KCNQ1: variants seen among roughly 807,000 people sequenced by gnomAD.
KCNQ1 encodes the protein potassium voltage-gated channel subfamily KQT member 1.
In KCNQ1, 49 loss-of-function variants were observed where a neutral mutation model predicts 72.4. The ratio of observed to expected loss-of-function variants is 0.68; its 90% confidence interval spans 0.54 to 0.86. KCNQ1 has a LOEUF of 0.86. Ranked by LOEUF, KCNQ1 falls within the 40% of genes least tolerant of loss-of-function variation. The probability of loss-of-function intolerance (pLI) is 0.00; values close to 1 mark genes in which losing one functional copy is unlikely to be tolerated. For missense variants in KCNQ1, 790 were observed against 945.1 expected (o/e 0.84, Z 2.15); for synonymous variants, 450 against 412.6 (o/e 1.09, Z -1.10).
chr11:2,809,907 C>G lies in KCNQ1; in HGVS notation c.1794+31870C>G, dbSNP rs1312213269. 6.6e-6 allele frequency among the ~76,000 whole-genome samples: 1 copy of G among 152,064 alleles called. No homozygotes were observed. The highest frequency in any genetic ancestry group is 1.5e-5 in the Non-Finnish European group (1 of 68,040). ...GTTTACTGTTCCCTGGTACTCAGAC[C>G]TGCTTAATGCTCATTTCTTCAGTTT... On this transcript the variant is annotated intron_variant, in intron 15 of 15. Transcript: ENST00000155840. This position sits in a 1 kb window ranked among gnomAD's most constrained non-coding sequence, Gnocchi z 7.1.
rs887229023 is a variant in KCNQ1 at position 2,715,112 on chromosome 11, A to G, written c.1514+53031A>G. On this transcript the variant is annotated intron_variant, in intron 11 of 15. Transcript: ENST00000155840. This position sits in a 1 kb window ranked among gnomAD's most constrained non-coding sequence, Gnocchi z 4.9. ...GATGATACTTGGCGAGGATGACCGCAAGTGTCTTGACCCAAACATGAGATG... is the reference window on the plus strand; with the variant it reads ...GATGATACTTGGCGAGGATGACCGCGAGTGTCTTGACCCAAACATGAGATG... Among the ~76,000 whole-genome samples the G allele has an allele frequency of 1.5e-4, 23 of 152,060 alleles. No homozygotes were observed. Among genetic ancestry groups the G allele is most frequent in the Non-Finnish European group, 2.8e-4 (19 of 68,016 alleles).
At chr11:2,591,335 C>T (rs1391733881) in intron 10 of KCNQ1, among the ~76,000 whole-genome samples, 1 of 152,240 alleles carries the variant, frequency 6.6e-6, no homozygotes, top group Non-Finnish European at 1.5e-5. Flanking sequence ...CAGGCTCCCG[C>T]TCCACTGGGC....
chr11:2,570,886 A>G, intron 3 of KCNQ1, 132 bp downstream of exon 3: 1 of 1,252,014 alleles, frequency 8.0e-7, no homozygotes, highest in Admixed American at 1.9e-5. Context: ...GTGACTGCCC[A>G]GGACCCAGCA....
rs973453220 is a variant in KCNQ1, at chr11:2,711,949, A to G, written c.1514+49868A>G. 2.0e-5 allele frequency among the ~76,000 whole-genome samples: 3 copies of G among 152,048 alleles called. No individual in the cohort carries two copies. Among genetic ancestry groups the G allele is most frequent in the East Asian group, 1.9e-4 (1 of 5,172 alleles). The stretch of plus-strand genomic sequence containing the variant: ...GCTGCTCACCTGCTCACCTGTGTCC[A>G]TCCCCTTGGGCAGCACACAGCCAAG... On this transcript the variant is annotated intron_variant, in intron 11 of 15. Coordinates refer to ENST00000155840, the MANE Select transcript of KCNQ1 (RefSeq NM_000218.3). This position sits in a 1 kb window ranked among gnomAD's most constrained non-coding sequence, Gnocchi z 5.4.
intron 10 of KCNQ1, among the ~76,000 whole-genome samples, chr11:2,594,585 CTA>C (rs1848710806): frequency 6.6e-6 from 1 of 152,156 alleles, no homozygotes; most frequent in South Asian, 2.1e-4. Context: ...CATAGATTTT[CTA>C]TCTCTGTCTC....
At position 2,488,809 on chromosome 11, in the gene KCNQ1, T is replaced by C. The variant is rs115717144; in HGVS notation, c.387-39119T>C. Among the ~76,000 whole-genome samples the C allele has an allele frequency of 1.1e-3, 165 of 152,338 alleles. 1 individual carries two copies. The highest frequency in any genetic ancestry group is 3.8e-3 in the African/African-American group (157 of 41,574). Reference sequence around the variant, plus strand: ...TTCAGAGAAGCAACTTTGATTTAATTGATTTTTCTCTATTGTTTTTCTATT... The same window carrying C: ...TTCAGAGAAGCAACTTTGATTTAATCGATTTTTCTCTATTGTTTTTCTATT... On this transcript the variant is annotated intron_variant, in intron 1 of 15. Transcript: ENST00000155840. The surrounding 1 kb of genome is among the most constrained non-coding windows in gnomAD (Gnocchi z 5.1).
intron 11 of KCNQ1, chr11:2,680,302 T>C (rs890034780): frequency 5.3e-6 from 2 of 380,444 alleles, no homozygotes; most frequent in Non-Finnish European, 4.5e-6. Flanking sequence ...GATTAACTGA[T>C]GAAGAATTGC....
intron 11 of KCNQ1, chr11:2,694,903 A>G (rs1294342201): frequency 2.5e-6 from 1 of 398,562 alleles, no homozygotes; most frequent in African/African-American, 2.1e-5. Context: ...GAAGATCACC[A>G]GAAAAGACAA....
At chr11:2,822,504 G>T (rs142586609) in intron 15 of KCNQ1, among the ~76,000 whole-genome samples, 101 of 152,320 alleles carry the variant, frequency 6.6e-4, no homozygotes, top group African/African-American at 2.2e-3. Context: ...AGAGCTAAAG[G>T]CTACATAATA....
At chr11:2,629,114 CTA>C in intron 10 of KCNQ1, 1 of 397,638 alleles carries the variant, frequency 2.5e-6, no homozygotes, top group Non-Finnish European at 4.4e-6. Context: ...TTTTTTTTGT[CTA>C]TATCTGTGAA....
At chr11:2,706,990 C>A (rs1383231999) in intron 11 of KCNQ1, among the ~76,000 whole-genome samples, 3 of 152,106 alleles carry the variant, frequency 2.0e-5, no homozygotes, top group African/African-American at 7.2e-5. Flanking sequence ...AACGGGTGAC[C>A]TTTTCTCCCC....
At chr11:2,554,087 C>T (rs375110088) in intron 2 of KCNQ1, among the ~76,000 whole-genome samples, 10 of 152,298 alleles carry the variant, frequency 6.6e-5, no homozygotes, top group South Asian at 2.1e-4. Flanking sequence ...TCCACGCCCA[C>T]GCTCACGAGG....
Position 2,671,952 on chromosome 11 carries a change from G to C in KCNQ1, c.1514+9871G>C, listed in dbSNP as rs551096749. On this transcript the variant is annotated intron_variant, in intron 11 of 15. Transcript: ENST00000155840. The surrounding 1 kb of genome is among the most constrained non-coding windows in gnomAD (Gnocchi z 4.7). ...GCAGCTAGTCTCTGTATCTGGGGTA[G>C]AAAGAGTGGGCTAAAAAGTCAGCTA... 70 of 398,638 alleles carry C rather than the reference G, an allele frequency of 1.8e-4. No homozygotes were observed. Among genetic ancestry groups the C allele is most frequent in the African/African-American group, 1.4e-3 (67 of 48,734 alleles). 24.7% of individuals were successfully genotyped at this position (398,638 alleles called of 1,614,324 possible).
Position 2,652,268 on chromosome 11 carries a change from A to T in KCNQ1, c.1394-9693A>T, listed in dbSNP as rs1010716225. 5 of 398,524 alleles carry T rather than the reference A, an allele frequency of 1.3e-5. No individual in the cohort carries two copies. The highest frequency in any genetic ancestry group is 1.0e-4 in the African/African-American group (5 of 48,644). 24.7% of individuals were successfully genotyped at this position (398,524 alleles called of 1,614,324 possible). A position where few individuals can be genotyped will look rare whatever the true frequency, so the allele number is the denominator to read the frequency against. Reference sequence around the variant, plus strand: ...TTTCCCCATTAAACATTCTGAGAACATCTGCACCGGTTTCCAAGGCTTCTC... The same window carrying T: ...TTTCCCCATTAAACATTCTGAGAACTTCTGCACCGGTTTCCAAGGCTTCTC... On this transcript the variant is annotated intron_variant, in intron 10 of 15. Transcript: ENST00000155840. This position sits in a 1 kb window ranked among gnomAD's most constrained non-coding sequence, Gnocchi z 5.9.
rs1339208977 is a variant in KCNQ1, at chr11:2,808,514, A to T, written c.1794+30477A>T. 2.0e-5 allele frequency among the ~76,000 whole-genome samples: 3 copies of T among 152,074 alleles called. No homozygotes were observed. The highest frequency in any genetic ancestry group is 2.9e-5 in the Non-Finnish European group (2 of 68,046). Reference sequence around the variant, plus strand: ...CTGATGCAGAACTGAGCAGAGAAGAAAACAAAAGAGGACCATAATATCTCC... The same window carrying T: ...CTGATGCAGAACTGAGCAGAGAAGATAACAAAAGAGGACCATAATATCTCC... On this transcript the variant is annotated intron_variant, in intron 15 of 15. Transcript: ENST00000155840. The surrounding 1 kb of genome is among the most constrained non-coding windows in gnomAD (Gnocchi z 6.0).
intron 1 of KCNQ1, among the ~76,000 whole-genome samples, chr11:2,448,725 G>A (rs1425517073): frequency 6.6e-6 from 1 of 152,220 alleles, no homozygotes; most frequent in Non-Finnish European, 1.5e-5. Flanking sequence ...AGGAAAACTG[G>A]GAATTCCTTT....
chr11:2,745,890 T>G lies in KCNQ1; in HGVS notation c.1515-22954T>G, dbSNP rs935112776. Among the ~76,000 whole-genome samples the G allele has an allele frequency of 6.6e-6, 1 of 152,196 alleles. No individual in the cohort carries two copies. The highest frequency in any genetic ancestry group is 1.5e-5 in the Non-Finnish European group (1 of 68,034). Reference sequence around the variant, plus strand: ...CCTCACTACTATTTGGTTTTTGTTTTGTTTTGTTTTGTTTTTTGAGATGGA... The same window carrying G: ...CCTCACTACTATTTGGTTTTTGTTTGGTTTTGTTTTGTTTTTTGAGATGGA... On this transcript the variant is annotated intron_variant, in intron 11 of 15. Transcript: ENST00000155840. The surrounding 1 kb of genome is among the most constrained non-coding windows in gnomAD (Gnocchi z 6.2).
intron 10 of KCNQ1, chr11:2,610,073 A>G (rs4930139): frequency 0.19 from 75,115 of 397,500 alleles, 7,312 homozygotes; most frequent in South Asian, 0.31. Context: ...TCTATGTACT[A>G]TTTCTTGTTC....
chr11:2,804,519 G>A (rs565027639), intron 15 of KCNQ1, among the ~76,000 whole-genome samples: 30 of 152,368 alleles, frequency 2.0e-4, no homozygotes, highest in Non-Finnish European at 3.7e-4. Context: ...AGAGGGCTGG[G>A]TGTCACCCCA....
Sources: gnomAD v4.1 joint callset for allele counts (sites outside exome capture counted in the v4.1 genomes callset) on GRCh38, gnomAD v4.1.1 for gene constraint, Gnocchi (gnomAD v3.1) non-coding constraint, MANE v1.5 for transcripts, NCBI Gene and HGNC (gene_info 2026-07-23, HGNC 2026-07-21) for gene names.